TMEM106B: variants seen among roughly 807,000 people sequenced by gnomAD.
TMEM106B encodes transmembrane protein 106B.
Under a neutral mutation model 31.1 loss-of-function variants are expected in TMEM106B, and 15 were observed. That is an observed-to-expected ratio of 0.48 (90% CI 0.32 to 0.74). TMEM106B has a LOEUF of 0.74. Among genes scored for constraint, TMEM106B ranks in the 30% least tolerant of loss-of-function variants. The probability of loss-of-function intolerance (pLI) is 0.03; values close to 1 mark genes in which losing one functional copy is unlikely to be tolerated. For synonymous variants in TMEM106B, 126 were observed against 112.5 expected, an observed-to-expected ratio of 1.12 and a Z score of -0.76; for missense variants, 283 against 327.3, an observed-to-expected ratio of 0.86 and a Z score of 1.04.
chr7:12,214,670 C>T, intron 1 of TMEM106B, 139 bp from the exon 2 acceptor site: 1 of 780,934 alleles, frequency 1.3e-6, no homozygotes, highest in South Asian at 2.1e-5. Flanking sequence ...ATTTTTGGCT[C>T]CGAATAAATC....
In TMEM106B at chr7:12,242,391, A is replaced by AT; in HGVS notation, c.*10416_*10417insT. The AT allele has an allele frequency of 2.6e-5, 1 of 37,860 alleles. No individual in the cohort carries two copies. Among genetic ancestry groups the AT allele is most frequent in the South Asian group, 1.4e-3 (1 of 728 alleles). The allele number at this position is 37,860 out of a possible 1,614,324, so 2.3% of individuals were successfully genotyped here. ...CGAGACTCCGTCTCAAAAAAAAAAA[A>AT]AAAAAAAAAAAAAAAATACCCTTCT... On this transcript the variant is annotated 3_prime_UTR_variant, in exon 8 of 8. Transcript: ENST00000396668.
At chr7:12,213,639 C>T (rs913808556) in intron 1 of TMEM106B, among the ~76,000 whole-genome samples, 6 of 152,104 alleles carry the variant, frequency 3.9e-5, no homozygotes, top group African/African-American at 1.2e-4. Flanking sequence ...AGCCCATTCT[C>T]ATCATAAGCA....
At position 12,238,359 on chromosome 7, in the gene TMEM106B, A is replaced by G. The variant is rs1782179941; in HGVS notation, c.*6384A>G. On this transcript the variant is annotated 3_prime_UTR_variant, in exon 8 of 8. Transcript: ENST00000396668. Reference sequence around the variant, plus strand: ...AAATTTTAGTTCTCTTGCTATTTCCACATCTGCTGTGACTTCCTTCACTGA... The same window carrying G: ...AAATTTTAGTTCTCTTGCTATTTCCGCATCTGCTGTGACTTCCTTCACTGA... The G allele has an allele frequency of 6.6e-6, 1 of 152,280 alleles. No individual in the cohort carries two copies. Among genetic ancestry groups the G allele is most frequent in the East Asian group, 1.9e-4 (1 of 5,198 alleles). 9.4% of individuals were successfully genotyped at this position (152,280 alleles called of 1,614,324 possible).
intron 3 of TMEM106B, among the ~76,000 whole-genome samples, chr7:12,221,812 G>A (rs960187702): frequency 6.6e-6 from 1 of 152,164 alleles, no homozygotes; most frequent in African/African-American, 2.4e-5. Flanking sequence ...AGAAGGTAGA[G>A]AGCTGGAGAG....
At chr7:12,224,780 C>T (rs1781865437) in intron 4 of TMEM106B, among the ~76,000 whole-genome samples, 1 of 151,546 alleles carries the variant, frequency 6.6e-6, no homozygotes, top group African/African-American at 2.4e-5. Context: ...GTTTTTGCCA[C>T]GTTTAATAGA....
chr7:12,225,934 G>T (rs1781892481), intron 4 of TMEM106B, among the ~76,000 whole-genome samples: 1 of 152,138 alleles, frequency 6.6e-6, no homozygotes. Flanking sequence ...CCTTGCCCAT[G>T]CCTACATCCT....
chr7:12,229,615 A>T, intron 4 of TMEM106B, 64 bp from the exon 5 acceptor site: 1 of 1,294,778 alleles, frequency 7.7e-7, no homozygotes, highest in African/African-American at 1.7e-5. Flanking sequence ...AGTTACTTTA[A>T]TTTTAAATAC....
chr7:12,216,074 G>A (rs1022758910), intron 2 of TMEM106B, among the ~76,000 whole-genome samples: 6 of 152,160 alleles, frequency 3.9e-5, no homozygotes, highest in African/African-American at 1.2e-4. Context: ...ATCTTAAAAT[G>A]CTGTGGGTTT....
intron 4 of TMEM106B, among the ~76,000 whole-genome samples, chr7:12,225,680 G>A (rs1300012652): frequency 6.6e-6 from 1 of 152,098 alleles, no homozygotes; most frequent in African/African-American, 2.4e-5. Context: ...TTTGAGAAGT[G>A]TCCGTTCATA....
In TMEM106B at chr7:12,237,849, A is replaced by ACACACG. The variant is rs1554311724; in HGVS notation, c.*5879_*5880insGCACAC. ...CACACACACACACACACACACACACACACACACTATTGCTAAAAAATGTTA... is the reference window on the plus strand; with the variant it reads ...CACACACACACACACACACACACACACACACGCACACACTATTGCTAAAAAATGTTA... On this transcript the variant is annotated 3_prime_UTR_variant, in exon 8 of 8. Coordinates refer to ENST00000396668, the MANE Select transcript of TMEM106B (RefSeq NM_001134232.2). The ACACACG allele has an allele frequency of 1.5e-3, 229 of 150,950 alleles. No individual in the cohort carries two copies. The highest frequency in any genetic ancestry group is 5.2e-3 in the African/African-American group (212 of 40,980). 9.4% of individuals were successfully genotyped at this position (150,950 alleles called of 1,614,324 possible).
chr7:12,227,014 C>T (rs1305556312), intron 4 of TMEM106B, among the ~76,000 whole-genome samples: 1 of 151,840 alleles, frequency 6.6e-6, no homozygotes, highest in Admixed American at 6.6e-5. Flanking sequence ...TAATAAAAAA[C>T]CCTGTGATGT....
intron 3 of TMEM106B, among the ~76,000 whole-genome samples, chr7:12,222,864 T>C (rs1223173278): frequency 4.6e-5 from 7 of 152,200 alleles, no homozygotes; most frequent in Non-Finnish European, 1.5e-5. Context: ...ATTTATAAAA[T>C]ATCTGCAGGA....
At chr7:12,224,868 G>A (rs546583267) in intron 4 of TMEM106B, among the ~76,000 whole-genome samples, 7 of 150,450 alleles carry the variant, frequency 4.7e-5, no homozygotes, top group East Asian at 1.9e-4. Flanking sequence ...TGAAAATGCC[G>A]TGTTTTTTTT....
Position 12,232,093 on chromosome 7 carries a change from A to G in TMEM106B, c.*118A>G. The G allele has an allele frequency of 8.6e-6, 8 of 929,708 alleles. No homozygotes were observed. Among genetic ancestry groups the G allele is most frequent in the Middle Eastern group, 2.6e-4 (1 of 3,796 alleles). 57.6% of individuals were successfully genotyped at this position (929,708 alleles called of 1,614,324 possible). A position where few individuals can be genotyped will look rare whatever the true frequency, so the allele number is the denominator to read the frequency against. ...GAACAAACCTAAAGTTTACACTTCT[A>G]AGAGTACAGTTAAAAGTATGTGGAC... On this transcript the variant is annotated 3_prime_UTR_variant, in exon 8 of 8. Coordinates refer to ENST00000396668, the MANE Select transcript of TMEM106B (RefSeq NM_001134232.2).
intron 2 of TMEM106B, among the ~76,000 whole-genome samples, chr7:12,216,251 T>C (rs1781685053): frequency 6.6e-6 from 1 of 152,086 alleles, no homozygotes; most frequent in Non-Finnish European, 1.5e-5. Context: ...TTTTGAGGTA[T>C]GACCAGTAAA....
In TMEM106B at chr7:12,237,622, T is replaced by C. The variant is rs1421406811; in HGVS notation, c.*5647T>C. 6.6e-6 allele frequency: 1 copy of C among 152,098 alleles called. No individual in the cohort carries two copies. The highest frequency in any genetic ancestry group is 2.4e-5 in the African/African-American group (1 of 41,408). 9.4% of individuals were successfully genotyped at this position (152,098 alleles called of 1,614,324 possible). On this transcript the variant is annotated 3_prime_UTR_variant, in exon 8 of 8. Coordinates refer to ENST00000396668, the MANE Select transcript of TMEM106B (RefSeq NM_001134232.2). Reference sequence around the variant, plus strand: ...TATGAAAGTTATGTTTACATCATACTGTAGTCTATTAAGTGTGCAATAGCA... The same window carrying C: ...TATGAAAGTTATGTTTACATCATACCGTAGTCTATTAAGTGTGCAATAGCA...
In TMEM106B at chr7:12,237,608, T is replaced by C. The variant is rs972963423; in HGVS notation, c.*5633T>C. 2.0e-5 allele frequency: 3 copies of C among 152,126 alleles called. No homozygotes were observed. Among genetic ancestry groups the C allele is most frequent in the Admixed American group, 6.6e-5 (1 of 15,254 alleles). 9.4% of individuals were successfully genotyped at this position (152,126 alleles called of 1,614,324 possible). A position where few individuals can be genotyped will look rare whatever the true frequency, so the allele number is the denominator to read the frequency against. ...GGTTTCCCAGTGCATATGAAAGTTATGTTTACATCATACTGTAGTCTATTA... is the reference window on the plus strand; with the variant it reads ...GGTTTCCCAGTGCATATGAAAGTTACGTTTACATCATACTGTAGTCTATTA... On this transcript the variant is annotated 3_prime_UTR_variant, in exon 8 of 8. Coordinates refer to ENST00000396668, the MANE Select transcript of TMEM106B (RefSeq NM_001134232.2).
At chr7:12,230,907 G>T in intron 6 of TMEM106B, 155 bp from the exon 7 acceptor site, 1 of 521,792 alleles carries the variant, frequency 1.9e-6, no homozygotes, top group Non-Finnish European at 3.3e-6. Context: ...AAGAAGTCAT[G>T]AATATATCAG....
Position 12,242,947 on chromosome 7 carries a change from G to A in TMEM106B, c.*10972G>A, listed in dbSNP as rs1782259099. The stretch of plus-strand genomic sequence containing the variant: ...GCCTATGTACCTATACTAGAACATA[G>A]TAAACATGAGAACAGGGAATCTTGG... On this transcript the variant is annotated 3_prime_UTR_variant, in exon 8 of 8. Transcript: ENST00000396668. 1 of 151,970 alleles carries A rather than the reference G, an allele frequency of 6.6e-6. No individual in the cohort carries two copies. Among genetic ancestry groups the A allele is most frequent in the Non-Finnish European group, 1.5e-5 (1 of 67,950 alleles). 9.4% of individuals were successfully genotyped at this position (151,970 alleles called of 1,614,324 possible). A position where few individuals can be genotyped will look rare whatever the true frequency, so the allele number is the denominator to read the frequency against.
Sources: allele counts gnomAD v4.1 joint callset (sites outside exome capture counted in the v4.1 genomes callset), GRCh38; gene constraint gnomAD v4.1.1; transcripts MANE v1.5; gene names NCBI Gene and HGNC (gene_info 2026-07-23, HGNC 2026-07-21).